The following KLF8 variants were observed in gnomAD, a reference collection of about 807,000 sequenced individuals.
The protein encoded by KLF8 is Krueppel-like factor 8.
In KLF8, 10 loss-of-function variants were observed where a neutral mutation model predicts 18.2. That is an observed-to-expected ratio of 0.55 (90% CI 0.34 to 0.93). The LOEUF (loss-of-function observed/expected upper bound fraction) is 0.93. Ranked by LOEUF, KLF8 falls within the 40% of genes least tolerant of loss-of-function variation. The pLI, the probability that KLF8 is intolerant of heterozygous loss-of-function variation, is 0.02. For missense variants in KLF8, 264 were observed against 277.9 expected (o/e 0.95, Z 0.36); for synonymous variants, 109 against 97.3 (o/e 1.12, Z -0.71).
chrX:56,051,968 A>C, the KLF8 span, among the ~76,000 whole-genome samples: 286 of 110,041 alleles, frequency 2.6e-3, no homozygotes, highest in Middle Eastern at 0.019. Flanking sequence ...TTGCTCATTT[A>C]TTTTTATTCT....
At chrX:56,065,660 C>A in the KLF8 span, among the ~76,000 whole-genome samples, 1 of 111,261 alleles carries the variant, frequency 9.0e-6, no homozygotes, top group Admixed American at 9.6e-5. Flanking sequence ...ATCTAATGTA[C>A]AAATAGCTTC....
At chrX:55,929,715 C>T in the KLF8 span, among the ~76,000 whole-genome samples, 2 of 110,932 alleles carry the variant, frequency 1.8e-5, no homozygotes, top group Admixed American at 1.9e-4. Flanking sequence ...CTGTTCTGTT[C>T]CATTGGTCTA....
At chrX:56,189,264 G>GA in the KLF8 span, among the ~76,000 whole-genome samples, 2 of 112,026 alleles carry the variant, frequency 1.8e-5, no homozygotes, top group Non-Finnish European at 3.8e-5. Context: ...AAAAACACAT[G>GA]AAAAAATGCT....
chrX:56,130,524 G>A, the KLF8 span, among the ~76,000 whole-genome samples: 137 of 109,716 alleles, frequency 1.2e-3, no homozygotes, highest in African/African-American at 4.2e-3. Context: ...CGAGATCTTC[G>A]CTCTGACATA....
At chrX:56,124,657 C>T in the KLF8 span, among the ~76,000 whole-genome samples, 1 of 111,611 alleles carries the variant, frequency 9.0e-6, no homozygotes, top group Non-Finnish European at 1.9e-5. Context: ...TCTCTGTGGG[C>T]TCAGTTTAGC....
chrX:56,159,802 T>A, the KLF8 span, among the ~76,000 whole-genome samples: 4 of 111,404 alleles, frequency 3.6e-5, no homozygotes, highest in African/African-American at 1.3e-4. Flanking sequence ...GTCTTGGTAG[T>A]GGTCTATCAA....
chrX:56,032,966 C>T, the KLF8 span, among the ~76,000 whole-genome samples: 1 of 111,996 alleles, frequency 8.9e-6, no homozygotes, highest in East Asian at 2.8e-4. Flanking sequence ...TGTATTAGAA[C>T]TTCATTGCTC....
chrX:55,963,087 G>T, the KLF8 span, among the ~76,000 whole-genome samples: 1 of 111,955 alleles, frequency 8.9e-6, no homozygotes, highest in Non-Finnish European at 1.9e-5. Flanking sequence ...TGTCATTGTT[G>T]TTTTTTTCCT....
the KLF8 span, among the ~76,000 whole-genome samples, chrX:56,213,314 C>CTTTTTTTTTTTTTTTTTTTTTTTT: frequency 1.7e-4 from 2 of 12,016 alleles, no homozygotes; most frequent in African/African-American, 3.1e-4. Context: ...CTTTTCTTTT[C>CTTTTTTTTTTTTTTTTTTTTTTTT]TTTTTTTTTT....
chrX:56,198,801 A>T, the KLF8 span, among the ~76,000 whole-genome samples: 7 of 112,062 alleles, frequency 6.2e-5, no homozygotes, highest in South Asian at 1.5e-3. Context: ...AAGTCAAAAG[A>T]ACAAAGCTGG....
chrX:56,025,825 C>T, the KLF8 span, among the ~76,000 whole-genome samples: 6 of 111,590 alleles, frequency 5.4e-5, no homozygotes. Flanking sequence ...TAAACATGTT[C>T]CTTTTGGTGT....
the KLF8 span, among the ~76,000 whole-genome samples, chrX:56,195,241 T>A: frequency 4.5e-5 from 5 of 111,967 alleles, no homozygotes; most frequent in Non-Finnish European, 7.5e-5. Context: ...CTTTGACAAG[T>A]TGACAGAGGT....
the KLF8 span, among the ~76,000 whole-genome samples, chrX:55,959,268 C>T: frequency 8.9e-6 from 1 of 111,975 alleles, no homozygotes; most frequent in African/African-American, 3.2e-5. Context: ...AAAGCCACAT[C>T]CAAAACACAG....
At chrX:56,143,063 T>C in the KLF8 span, among the ~76,000 whole-genome samples, 1 of 111,619 alleles carries the variant, frequency 9.0e-6, no homozygotes, top group Non-Finnish European at 1.9e-5. Context: ...CAAAGCCTGA[T>C]CATGACCTCC....
At chrX:56,128,665 G>A in the KLF8 span, among the ~76,000 whole-genome samples, 1 of 111,663 alleles carries the variant, frequency 9.0e-6, no homozygotes, top group African/African-American at 3.3e-5. Context: ...TAAAGGTTTT[G>A]CACCCATCTA....
chrX:56,013,633 T>C, the KLF8 span, among the ~76,000 whole-genome samples: 4 of 111,314 alleles, frequency 3.6e-5, no homozygotes, highest in East Asian at 1.1e-3. Flanking sequence ...GATTTCCTTC[T>C]TCTTTTTTTC....
the KLF8 span, among the ~76,000 whole-genome samples, chrX:56,062,817 G>A: frequency 2.7e-5 from 3 of 110,719 alleles, no homozygotes; most frequent in Non-Finnish European, 5.7e-5. Flanking sequence ...ACATAGATTT[G>A]GTCTTTTCAC....
the KLF8 span, among the ~76,000 whole-genome samples, chrX:55,924,488 G>A: frequency 9.0e-6 from 1 of 111,725 alleles, no homozygotes; most frequent in East Asian, 2.8e-4. Flanking sequence ...TTATTGGAAT[G>A]TAAGGTTCAT....
At chrX:56,099,126 T>A in the KLF8 span, among the ~76,000 whole-genome samples, 2 of 111,996 alleles carry the variant, frequency 1.8e-5, no homozygotes, top group Non-Finnish European at 3.8e-5. Flanking sequence ...TGAGCAAGTT[T>A]ATTAGTGCCA....
Sources: allele counts gnomAD v4.1 joint callset (sites outside exome capture counted in the v4.1 genomes callset), GRCh38; gene constraint gnomAD v4.1.1; transcripts MANE v1.5; gene names NCBI Gene and HGNC (gene_info 2026-07-23, HGNC 2026-07-21).